Variants in SLIT2 observed in about 807,000 individuals in gnomAD.
The protein encoded by SLIT2 is slit homolog 2 protein.
Under a neutral mutation model 185.7 loss-of-function variants are expected in SLIT2, and 41 were observed. The ratio of observed to expected loss-of-function variants is 0.22; its 90% CI spans 0.17 to 0.29. The LOEUF is 0.29. Among genes scored for constraint, SLIT2 ranks in the 10% least tolerant of loss-of-function variants. The pLI is 1.00. For missense variants in SLIT2, 1,571 were observed against 1,909.0 expected, an observed-to-expected ratio of 0.82 and a Z score of 3.30; for synonymous variants, 693 against 680.2, an observed-to-expected ratio of 1.02 and a Z score of -0.29.
At chr4:20,308,846 C>A (rs896156246) in intron 4 of SLIT2, among the ~76,000 whole-genome samples, 1 of 152,016 alleles carries the variant, frequency 6.6e-6, no homozygotes, top group Non-Finnish European at 1.5e-5. Flanking sequence ...ATATATTTAC[C>A]TTTATTCTAA....
chr4:20,408,285 C>T (rs540709487), intron 4 of SLIT2, among the ~76,000 whole-genome samples: 41 of 152,204 alleles, frequency 2.7e-4, no homozygotes, highest in African/African-American at 9.1e-4. Context: ...TATAATACTG[C>T]GATAAAAACA....
intron 34 of SLIT2, among the ~76,000 whole-genome samples, chr4:20,611,735 A>G (rs982652776): frequency 1.3e-5 from 2 of 152,232 alleles, no homozygotes; most frequent in Non-Finnish European, 2.9e-5. Flanking sequence ...TGCCCAACAC[A>G]GTGCTCCTTT....
At chr4:20,469,780 G>A (rs538260284) in intron 5 of SLIT2, among the ~76,000 whole-genome samples, 1 of 128,610 alleles carries the variant, frequency 7.8e-6, no homozygotes, top group African/African-American at 2.9e-5. Flanking sequence ...TTTTGAGATG[G>A]TGTCTCGCTC....
chr4:20,589,411 A>T (rs974837937), intron 29 of SLIT2, among the ~76,000 whole-genome samples: 2 of 152,244 alleles, frequency 1.3e-5, no homozygotes, highest in Admixed American at 1.3e-4. Context: ...TATTAGTCAC[A>T]GATCACAATA....
intron 4 of SLIT2, among the ~76,000 whole-genome samples, chr4:20,428,907 A>G (rs1021857013): frequency 2.6e-5 from 4 of 152,222 alleles, no homozygotes; most frequent in Admixed American, 1.3e-4. Context: ...AGTTGTCAGT[A>G]TCAATTGGGG....
rs192048218 is a variant in SLIT2, at chr4:20,481,100, A to T, written c.539+313A>T. On this transcript the variant is annotated intron_variant, in intron 6 of 36. Transcript: ENST00000504154. ...ATCAACTTTATAGGAAAAATAACAT[A>T]AAAAAAAACCTCTTAGTAGCTGATA... Among the ~76,000 whole-genome samples the T allele has an allele frequency of 3.7e-3, 393 of 104,970 alleles. 1 individual carries two copies. The highest frequency in any genetic ancestry group is 0.013 in the African/African-American group (361 of 27,724). The allele number at this position is 104,970 out of a possible 152,430, so 68.9% of individuals were successfully genotyped here. A position where few individuals can be genotyped will look rare whatever the true frequency, so the allele number is the denominator to read the frequency against.
At chr4:20,614,435 TTGAA>T (rs1330700302) in intron 34 of SLIT2, among the ~76,000 whole-genome samples, 1 of 152,038 alleles carries the variant, frequency 6.6e-6, no homozygotes, top group East Asian at 1.9e-4. Context: ...GGCTGATTGA[TTGAA>T]TGATTTCCAA....
intron 4 of SLIT2, among the ~76,000 whole-genome samples, chr4:20,354,902 TGTGTGAGAGAGAGAGAGAGAGAGA>T: frequency 9.4e-6 from 1 of 106,492 alleles, no homozygotes; most frequent in East Asian, 2.4e-4. Flanking sequence ...TGTGTGTGTG[TGTGTGAGAGAGAGAGAGAGAGAGA>T]GAGAGAGAGA....
Position 20,596,640 on chromosome 4 carries a change from G to A in SLIT2, c.3546G>A (p.Thr1182=), listed in dbSNP as rs1432886929. 5 of 1,612,930 alleles carry A rather than the reference G, an allele frequency of 3.1e-6. No individual in the cohort carries two copies. Among genetic ancestry groups the A allele is most frequent in the South Asian group, 1.1e-5 (1 of 90,990 alleles). The stretch of plus-strand genomic sequence containing the variant: ...CTTCAGCCAAGGTTCGGCCTCAGAC[G>A]AACATAACACTTCAGGTAAGAGATC... The part of the protein sequence containing the change: ...QIPSAKVRPQ[T]NITLQIATDE... Residue 1182 remains threonine (T), a synonymous_variant, in exon 32 of 37, where the codon ACG becomes ACA. Coordinates refer to ENST00000504154, the MANE Select transcript of SLIT2 (RefSeq NM_004787.4).
At chr4:20,476,106 A>G (rs1339668065) in intron 5 of SLIT2, among the ~76,000 whole-genome samples, 1 of 152,170 alleles carries the variant, frequency 6.6e-6, no homozygotes, top group African/African-American at 2.4e-5. Flanking sequence ...ACTTATGTCA[A>G]GGATGTACAT....
At chr4:20,510,031 C>G (rs753675938) in intron 9 of SLIT2, among the ~76,000 whole-genome samples, 1 of 151,902 alleles carries the variant, frequency 6.6e-6, no homozygotes, top group Non-Finnish European at 1.5e-5. Context: ...ATTTTTTAAC[C>G]GATCATATGC....
intron 19 of SLIT2, among the ~76,000 whole-genome samples, 177 bp downstream of exon 19, chr4:20,539,761 CTTAGA>C (rs1722636287): frequency 6.6e-6 from 1 of 152,016 alleles, no homozygotes; most frequent in South Asian, 2.1e-4. Flanking sequence ...TACCTACTAT[CTTAGA>C]TTAAATTTTA....
chr4:20,340,809 G>A (rs556666177), intron 4 of SLIT2, among the ~76,000 whole-genome samples: 277 of 152,198 alleles, frequency 1.8e-3, no homozygotes, highest in Non-Finnish European at 3.1e-3. Flanking sequence ...CATTCTATTA[G>A]CCAGGATGGT....
chr4:20,307,786 C>T (rs1356643100), intron 4 of SLIT2, among the ~76,000 whole-genome samples: 3 of 152,044 alleles, frequency 2.0e-5, no homozygotes, highest in East Asian at 1.9e-4. Context: ...AATATTATGT[C>T]CATGCATTTA....
chr4:20,344,684 T>C (rs1336370899), intron 4 of SLIT2, among the ~76,000 whole-genome samples: 1 of 152,214 alleles, frequency 6.6e-6, no homozygotes, highest in Non-Finnish European at 1.5e-5. Context: ...GCTCTGTCCA[T>C]TCTAGTGAAC....
chr4:20,322,265 C>T (rs1719160701), intron 4 of SLIT2, among the ~76,000 whole-genome samples: 1 of 152,046 alleles, frequency 6.6e-6, no homozygotes. Context: ...TGACATGTGC[C>T]CAAGGTGGTT....
At chr4:20,476,217 T>G (rs1716092640) in intron 5 of SLIT2, among the ~76,000 whole-genome samples, 1 of 152,172 alleles carries the variant, frequency 6.6e-6, no homozygotes, top group African/African-American at 2.4e-5. Flanking sequence ...TATAGACATT[T>G]GTATTGACTT....
intron 4 of SLIT2, among the ~76,000 whole-genome samples, chr4:20,422,205 G>A (rs1318466816): frequency 2.0e-5 from 3 of 152,174 alleles, no homozygotes; most frequent in Admixed American, 2.0e-4. Flanking sequence ...ATTATAGATA[G>A]TATGCTATGA....
In SLIT2 at chr4:20,349,207, G is replaced by A. The variant is rs138743993; in HGVS notation, c.395+80326G>A. On this transcript the variant is annotated intron_variant, in intron 4 of 36. Transcript: ENST00000504154. ...TCAAGTCCAAAAGAAATGCCTGAGA[G>A]TTGATTTATTCGGCAGTTAGTTCCA... Among the ~76,000 whole-genome samples, 10 of 152,296 alleles carry A rather than the reference G, an allele frequency of 6.6e-5. No homozygotes were observed. In the East Asian group the frequency reaches 1.9e-3, roughly 29 times the overall value.
Sources: gnomAD v4.1 joint callset for allele counts (sites outside exome capture counted in the v4.1 genomes callset) on GRCh38, gnomAD v4.1.1 for gene constraint, MANE v1.5 for transcripts, NCBI Gene and HGNC (gene_info 2026-07-23, HGNC 2026-07-21) for gene names.